Variants in LHFPL3 observed in about 807,000 individuals in gnomAD.
LHFPL3 encodes the protein LHFPL tetraspan subfamily member 3, also known as LHFPL tetraspan subfamily member 3 protein.
In LHFPL3, 5 loss-of-function variants were observed where a neutral mutation model predicts 19.3. The ratio of observed to expected loss-of-function variants is 0.26; its 90% CI spans 0.14 to 0.54. The LOEUF is 0.54. Ranked by LOEUF, LHFPL3 falls within the 20% of genes least tolerant of loss-of-function variation. LHFPL3 has a pLI of 0.94. For synonymous variants in LHFPL3, 133 were observed against 126.2 expected (o/e 1.05, Z -0.36); for missense variants, 249 against 307.4 (o/e 0.81, Z 1.42).
intron 1 of LHFPL3, among the ~76,000 whole-genome samples, chr7:104,408,887 C>T (rs1355434315): frequency 2.1e-5 from 1 of 48,528 alleles, no homozygotes; most frequent in Non-Finnish European, 3.9e-5. Flanking sequence ...TTTTTTGAGA[C>T]GGAGTCTCGC....
chr7:104,385,667 TATTC>T (rs58386795), intron 1 of LHFPL3, among the ~76,000 whole-genome samples: 3 of 151,526 alleles, frequency 2.0e-5, no homozygotes, highest in Non-Finnish European at 4.4e-5. Flanking sequence ...CATGGCAATT[TATTC>T]ATTCATTCAT....
chr7:104,609,717 C>T (rs899411038), intron 1 of LHFPL3, among the ~76,000 whole-genome samples: 1 of 152,116 alleles, frequency 6.6e-6, no homozygotes, highest in Non-Finnish European at 1.5e-5. Flanking sequence ...AGGAAGACAT[C>T]TGGAAAAATA....
chr7:104,339,620 G>GT (rs1789906986), intron 1 of LHFPL3, among the ~76,000 whole-genome samples: 1 of 152,214 alleles, frequency 6.6e-6, no homozygotes, highest in African/African-American at 2.4e-5. Context: ...TTTCTTTAGT[G>GT]TAAGTCTTCA....
intron 1 of LHFPL3, among the ~76,000 whole-genome samples, chr7:104,336,036 G>A (rs766424139): frequency 1.7e-4 from 26 of 152,218 alleles, no homozygotes; most frequent in Middle Eastern, 3.4e-3. Flanking sequence ...GCTTAATCTC[G>A]TGATAACTGG....
intron 1 of LHFPL3, among the ~76,000 whole-genome samples, chr7:104,579,400 A>G (rs1228434060): frequency 6.6e-6 from 1 of 152,178 alleles, no homozygotes; most frequent in Non-Finnish European, 1.5e-5. Context: ...CTGACAAGTG[A>G]GAACATGCGG....
At chr7:104,705,608 A>G (rs1793177149) in intron 1 of LHFPL3, among the ~76,000 whole-genome samples, 1 of 152,122 alleles carries the variant, frequency 6.6e-6, no homozygotes, top group African/African-American at 2.4e-5. Context: ...TCTTAAAGGA[A>G]TTGTAATTTT....
rs180672646 is a variant in LHFPL3, at chr7:104,717,701, G to A, written c.446-18974G>A. Among the ~76,000 whole-genome samples the A allele has an allele frequency of 1.7e-3, 264 of 152,224 alleles. 2 individuals are homozygous for A. The highest frequency in any genetic ancestry group is 5.9e-3 in the African/African-American group (244 of 41,556). On this transcript the variant is annotated intron_variant, in intron 1 of 2. Coordinates refer to ENST00000424859, the MANE Select transcript of LHFPL3 (RefSeq NM_199000.3). The stretch of plus-strand genomic sequence containing the variant: ...GAAATTGGAACTCTTGTATATTGTT[G>A]GTGGGATTCAAAATGGTACAGCCAC...
At chr7:104,407,842 T>C (rs753106316) in intron 1 of LHFPL3, among the ~76,000 whole-genome samples, 3 of 152,240 alleles carry the variant, frequency 2.0e-5, no homozygotes, top group East Asian at 1.9e-4. Flanking sequence ...CTTTCTTTCA[T>C]GACAACCATC....
At chr7:104,471,565 G>C (rs1014284306) in intron 1 of LHFPL3, among the ~76,000 whole-genome samples, 1 of 152,194 alleles carries the variant, frequency 6.6e-6, no homozygotes, top group Admixed American at 6.5e-5. Context: ...CTAGGACAAA[G>C]AGTTTAAAGC....
At chr7:104,838,159 C>T (rs7802800) in intron 2 of LHFPL3, among the ~76,000 whole-genome samples, 64,093 of 151,900 alleles carry the variant, frequency 0.42, 15,385 homozygotes, top group Non-Finnish European at 0.56. Context: ...TGGAGGGATA[C>T]GGCTGGTAAA....
intron 1 of LHFPL3, among the ~76,000 whole-genome samples, chr7:104,632,968 T>A (rs1441213009): frequency 3.3e-5 from 5 of 152,198 alleles, no homozygotes; most frequent in Non-Finnish European, 4.4e-5. Flanking sequence ...ATGGAAACTA[T>A]GAATACTATA....
At chr7:104,396,856 G>A (rs965296143) in intron 1 of LHFPL3, among the ~76,000 whole-genome samples, 2 of 151,978 alleles carry the variant, frequency 1.3e-5, no homozygotes, top group Non-Finnish European at 2.9e-5. Context: ...TGTGGTCCTA[G>A]CTACTCAGGA....
chr7:104,830,967 T>C (rs1790941915), intron 2 of LHFPL3, among the ~76,000 whole-genome samples: 1 of 151,878 alleles, frequency 6.6e-6, no homozygotes, highest in Non-Finnish European at 1.5e-5. Flanking sequence ...GACATAATTG[T>C]TAATAACACC....
intron 2 of LHFPL3, among the ~76,000 whole-genome samples, chr7:104,843,276 C>A (rs2116594177): frequency 6.6e-6 from 1 of 152,344 alleles, no homozygotes; most frequent in East Asian, 1.9e-4. Context: ...CTGCTCAAAG[C>A]AGAGGTCTTC....
At chr7:104,464,450 C>T (rs1219605962) in intron 1 of LHFPL3, among the ~76,000 whole-genome samples, 1 of 152,246 alleles carries the variant, frequency 6.6e-6, no homozygotes, top group Non-Finnish European at 1.5e-5. Flanking sequence ...GCTCTGACTT[C>T]ACATTTCCCT....
chr7:104,747,053 T>C (rs1263702233), intron 2 of LHFPL3, among the ~76,000 whole-genome samples: 1 of 152,342 alleles, frequency 6.6e-6, no homozygotes, highest in South Asian at 2.1e-4. Context: ...AGTTGGTCAG[T>C]TGGTTTCGGT....
rs186049611 is a variant in LHFPL3 at position 104,496,216 on chromosome 7, G to A, written c.445+166992G>A. 8.4e-3 allele frequency among the ~76,000 whole-genome samples: 1,279 copies of A among 152,160 alleles called. 12 individuals are homozygous for A. The highest frequency in any genetic ancestry group is 0.028 in the South Asian group (134 of 4,808). ...TTCCCACCTATGAGTGAGAATATGC[G>A]GTGTTTGGTTTTTTGTCCTTGCGAT... is the stretch of plus-strand genomic sequence containing the variant. On this transcript the variant is annotated intron_variant, in intron 1 of 2. Coordinates refer to ENST00000424859, the MANE Select transcript of LHFPL3 (RefSeq NM_199000.3).
chr7:104,601,514 T>A (rs1242736505), intron 1 of LHFPL3, among the ~76,000 whole-genome samples: 2 of 152,018 alleles, frequency 1.3e-5, no homozygotes, highest in African/African-American at 2.4e-5. Context: ...TTAAACAGAA[T>A]GATGAGACAG....
chr7:104,782,063 C>T (rs1323922365), intron 2 of LHFPL3, among the ~76,000 whole-genome samples: 1 of 152,176 alleles, frequency 6.6e-6, no homozygotes, highest in Non-Finnish European at 1.5e-5. Context: ...CAGGGCTCCG[C>T]AGGGCAATTC....
Sources: allele counts gnomAD v4.1 joint callset (sites outside exome capture counted in the v4.1 genomes callset), GRCh38; gene constraint gnomAD v4.1.1; transcripts MANE v1.5; gene names NCBI Gene and HGNC (gene_info 2026-07-23, HGNC 2026-07-21).